Variants in NLGN1 observed in about 807,000 individuals in gnomAD.
NLGN1 encodes neuroligin-1.
In NLGN1, 12 loss-of-function variants were observed where a neutral mutation model predicts 65.5. That is an observed-to-expected ratio of 0.18 (90% CI 0.12 to 0.30). The LOEUF is 0.30. Ranked by LOEUF, NLGN1 falls within the 10% of genes least tolerant of loss-of-function variation. NLGN1 has a pLI of 1.00. For synonymous variants in NLGN1, 350 were observed against 359.5 expected (o/e 0.97, Z 0.30); for missense variants, 750 against 1,007.1 (o/e 0.74, Z 3.46).
intron 2 of NLGN1, among the ~76,000 whole-genome samples, chr3:173,547,412 G>T (rs1450389431): frequency 6.6e-6 from 1 of 152,100 alleles, no homozygotes; most frequent in Non-Finnish European, 1.5e-5. Flanking sequence ...GGGTCATTAT[G>T]CCTTTGATAA....
chr3:173,467,439 T>C (rs1267079124), intron 2 of NLGN1, among the ~76,000 whole-genome samples: 1 of 152,188 alleles, frequency 6.6e-6, no homozygotes, highest in Non-Finnish European at 1.5e-5. Flanking sequence ...ATAAGGTTAT[T>C]GTTTTAGACA....
At chr3:173,655,546 C>T (rs1385732114) in intron 3 of NLGN1, among the ~76,000 whole-genome samples, 4 of 151,928 alleles carry the variant, frequency 2.6e-5, no homozygotes, top group African/African-American at 9.7e-5. Context: ...TACTTACCAA[C>T]TGTGCCTGAA....
intron 4 of NLGN1, among the ~76,000 whole-genome samples, chr3:174,069,555 A>G (rs1246371868): frequency 3.3e-5 from 5 of 152,158 alleles, no homozygotes; most frequent in Non-Finnish European, 5.9e-5. Flanking sequence ...CAAAACATAT[A>G]TTTTTCAAAG....
chr3:174,258,485 C>T (rs1746215915), intron 4 of NLGN1, among the ~76,000 whole-genome samples: 1 of 152,064 alleles, frequency 6.6e-6, no homozygotes, highest in African/African-American at 2.4e-5. Flanking sequence ...TATCTATATA[C>T]TTTATACTTA....
chr3:173,892,898 A>C (rs1735623252), intron 4 of NLGN1, among the ~76,000 whole-genome samples: 1 of 152,190 alleles, frequency 6.6e-6, no homozygotes, highest in Non-Finnish European at 1.5e-5. Flanking sequence ...AGGTAACAAT[A>C]TTGTACTATC....
chr3:173,408,784 T>C (rs1012662065), intron 1 of NLGN1, among the ~76,000 whole-genome samples: 5 of 151,538 alleles, frequency 3.3e-5, no homozygotes, highest in South Asian at 4.2e-4. Flanking sequence ...TGGTGGCGGG[T>C]GCCTGTAATT....
chr3:174,113,950 A>G (rs1341518100), intron 4 of NLGN1, among the ~76,000 whole-genome samples: 2 of 152,268 alleles, frequency 1.3e-5, no homozygotes, highest in African/African-American at 2.4e-5. Flanking sequence ...AGTAGAACTG[A>G]TAGAACTTAA....
intron 2 of NLGN1, among the ~76,000 whole-genome samples, chr3:173,456,361 G>T (rs768279230): frequency 6.6e-6 from 1 of 152,080 alleles, no homozygotes; most frequent in Non-Finnish European, 1.5e-5. Flanking sequence ...TAGCATGAGG[G>T]TTGAGAACAT....
intron 2 of NLGN1, among the ~76,000 whole-genome samples, chr3:173,441,696 G>C (rs915599561): frequency 6.6e-6 from 1 of 152,092 alleles, no homozygotes; most frequent in Non-Finnish European, 1.5e-5. Flanking sequence ...ACAGATCAAC[G>C]TAACAGATGT....
chr3:173,743,202 A>G (rs1223413224), intron 3 of NLGN1, among the ~76,000 whole-genome samples: 1 of 152,160 alleles, frequency 6.6e-6, no homozygotes, highest in Non-Finnish European at 1.5e-5. Context: ...GTTAAGTTCT[A>G]CGTTCTAAAT....
At chr3:173,412,178 T>C (rs1712709175) in intron 1 of NLGN1, among the ~76,000 whole-genome samples, 1 of 152,202 alleles carries the variant, frequency 6.6e-6, no homozygotes, top group Admixed American at 6.5e-5. Context: ...ATTAGCAAGT[T>C]TGCATGTTTG....
At chr3:173,435,572 C>G (rs755954095) in intron 2 of NLGN1, among the ~76,000 whole-genome samples, 12 of 152,104 alleles carry the variant, frequency 7.9e-5, no homozygotes, top group Non-Finnish European at 8.8e-5. Context: ...CGGTGGCACA[C>G]GCCTGTAATC....
At chr3:174,114,710 C>CT in intron 4 of NLGN1, among the ~76,000 whole-genome samples, 2 of 152,236 alleles carry the variant, frequency 1.3e-5, no homozygotes, top group Middle Eastern at 6.8e-3. Flanking sequence ...TTTACATGCA[C>CT]TTATACATTA....
chr3:173,930,848 G>T (rs1743956463), intron 4 of NLGN1, among the ~76,000 whole-genome samples: 1 of 152,160 alleles, frequency 6.6e-6, no homozygotes, highest in East Asian at 1.9e-4. Context: ...TGTTCAAGAA[G>T]TCAGGGTGGC....
intron 4 of NLGN1, among the ~76,000 whole-genome samples, chr3:174,131,297 A>G (rs1720132619): frequency 6.6e-6 from 1 of 152,186 alleles, no homozygotes. Context: ...TCTGTTAATA[A>G]GTGTATTGTC....
intron 4 of NLGN1, among the ~76,000 whole-genome samples, chr3:174,081,793 A>T (rs1742296899): frequency 6.6e-6 from 1 of 151,238 alleles, no homozygotes; most frequent in South Asian, 2.1e-4. Flanking sequence ...CTGGTCTCGA[A>T]CTCCCGATCT....
intron 2 of NLGN1, among the ~76,000 whole-genome samples, chr3:173,451,588 G>C (rs957378368): frequency 6.6e-6 from 1 of 152,190 alleles, no homozygotes; most frequent in Non-Finnish European, 1.5e-5. Context: ...CTTCAAAGCT[G>C]TCAGACAGGG....
intron 4 of NLGN1, among the ~76,000 whole-genome samples, chr3:174,034,559 A>G (rs1235586486): frequency 7.2e-5 from 11 of 152,152 alleles, no homozygotes; most frequent in East Asian, 1.9e-4. Context: ...GGAATTGGGA[A>G]TACTCCGTTA....
intron 4 of NLGN1, among the ~76,000 whole-genome samples, chr3:174,100,004 G>A (rs538630472): frequency 5.8e-4 from 88 of 152,148 alleles, no homozygotes; most frequent in African/African-American, 2.0e-3. Context: ...GACCCTTGGC[G>A]GCTTGTTGAT....
Sources: gnomAD v4.1 joint callset for allele counts (sites outside exome capture counted in the v4.1 genomes callset) on GRCh38, gnomAD v4.1.1 for gene constraint, MANE v1.5 for transcripts, NCBI Gene and HGNC (gene_info 2026-07-23, HGNC 2026-07-21) for gene names.